Variants in ANO8 observed in about 807,000 individuals in gnomAD.
ANO8 encodes the protein anoctamin 8.
A neutral mutation model predicts 120.4 loss-of-function variants in ANO8; 67 were observed. The observed-to-expected ratio is 0.56, with a 90% CI of 0.46 to 0.68. The LOEUF is 0.68. Among genes scored for constraint, ANO8 ranks in the 30% least tolerant of loss-of-function variants. The pLI, the probability that ANO8 is intolerant of heterozygous loss-of-function variation, is 0.00. For missense variants in ANO8, 1,526 were observed against 1,737.6 expected (o/e 0.88, Z 2.16); for synonymous variants, 727 against 759.2 (o/e 0.96, Z 0.70).
intron 5 of ANO8, among the ~76,000 whole-genome samples, chr19:17,332,291 G>A (rs145947296): frequency 1.3e-5 from 2 of 151,804 alleles, no homozygotes; most frequent in African/African-American, 4.8e-5. Context: ...CTGTCACCCA[G>A]GCTGGACAGA....
rs547221815 is a variant in ANO8, at chr19:17,327,379, C to G, written c.2551-34G>C. 7.5e-5 allele frequency: 117 copies of G among 1,551,782 alleles called. 2 individuals are homozygous for G. The South Asian group carries it at 1.3e-3, about 17-fold the overall frequency. ...GTGGCAGAGAGGAGGCTGCAGGCTGCAGACGCTGGGGCCGCCCTCTCGCCT... is the reference window on the plus strand; with the variant it reads ...GTGGCAGAGAGGAGGCTGCAGGCTGGAGACGCTGGGGCCGCCCTCTCGCCT... On this transcript the variant is annotated intron_variant, in intron 15 of 17. Coordinates refer to ENST00000159087, the MANE Select transcript of ANO8 (RefSeq NM_020959.3).
In ANO8 at chr19:17,333,399, G is replaced by C. The variant is rs1270217256; in HGVS notation, c.350+23C>G. 12 of 1,613,456 alleles carry C rather than the reference G, an allele frequency of 7.4e-6. No individual in the cohort carries two copies. Among genetic ancestry groups the C allele is most frequent in the Non-Finnish European group, 1.0e-5 (12 of 1,179,916 alleles). ...GGGAGTCGGGTGGCAGGCTCAGCGAGAGGCCAGGGACAGGGGACTCGCCTC... is the reference window on the plus strand; with the variant it reads ...GGGAGTCGGGTGGCAGGCTCAGCGACAGGCCAGGGACAGGGGACTCGCCTC... On this transcript the variant is annotated intron_variant, in intron 3 of 17. Coordinates refer to ENST00000159087, the MANE Select transcript of ANO8 (RefSeq NM_020959.3). This position sits in a 1 kb window ranked among gnomAD's most constrained non-coding sequence, Gnocchi z 7.2.
chr19:17,328,160 A>T lies in ANO8; in HGVS notation c.2226+2T>A. Reference sequence around the variant, plus strand: ...CCCTGCGAGGCCCCGCCCCCTCCTCACCTCGTACTTCTTCATACAGCTCTC... The same window carrying T: ...CCCTGCGAGGCCCCGCCCCCTCCTCTCCTCGTACTTCTTCATACAGCTCTC... On this transcript the variant is annotated splice_donor_variant, in intron 13 of 17. Transcript: ENST00000159087. LOFTEE classifies it high-confidence loss of function. The T allele has an allele frequency of 3.6e-6, 5 of 1,383,064 alleles. No individual in the cohort carries two copies. The highest frequency in any genetic ancestry group is 4.9e-6 in the Non-Finnish European group (5 of 1,010,760). The allele number at this position is 1,383,064 out of a possible 1,614,324, so 85.7% of individuals were successfully genotyped here.
At chr19:17,327,157 A>G in intron 16 of ANO8, 78 bp downstream of exon 16, 1 of 1,257,766 alleles carries the variant, frequency 8.0e-7, no homozygotes, top group Admixed American at 2.3e-5. Flanking sequence ...CCCTTACGCT[A>G]AGGAATTGGC....
At position 17,330,109 on chromosome 19, in the gene ANO8, C is replaced by T; in HGVS notation, c.1273+16G>A. On this transcript the variant is annotated intron_variant, in intron 10 of 17. Coordinates refer to ENST00000159087, the MANE Select transcript of ANO8 (RefSeq NM_020959.3). ...AGTGGAGACCTTCCTCCCAGAGACCCCCTGGCAGGTCGTACCCATGTCATT... is the reference window on the plus strand; with the variant it reads ...AGTGGAGACCTTCCTCCCAGAGACCTCCTGGCAGGTCGTACCCATGTCATT... The T allele has an allele frequency of 6.2e-7, 1 of 1,613,984 alleles. No individual in the cohort carries two copies. The highest frequency in any genetic ancestry group is 8.5e-7 in the Non-Finnish European group (1 of 1,179,990).
rs955291648 is a variant in ANO8 at position 17,334,703 on chromosome 19, G to C, written c.-33C>G. On this transcript the variant is annotated 5_prime_UTR_variant, in exon 1 of 18. Coordinates refer to ENST00000159087, the MANE Select transcript of ANO8 (RefSeq NM_020959.3). Reference sequence around the variant, plus strand: ...ACAGGTCAGGTCAGGGGCTACGGACGGCCCGGGCGACGGGGAGCCGCGGGC... The same window carrying C: ...ACAGGTCAGGTCAGGGGCTACGGACCGCCCGGGCGACGGGGAGCCGCGGGC... 3.0e-6 allele frequency: 4 copies of C among 1,346,760 alleles called. No homozygotes were observed. The highest frequency in any genetic ancestry group is 3.8e-6 in the Non-Finnish European group (4 of 1,052,336). 83.4% of individuals were successfully genotyped at this position (1,346,760 alleles called of 1,614,324 possible). A position where few individuals can be genotyped will look rare whatever the true frequency, so the allele number is the denominator to read the frequency against.
rs141250802 is a variant in ANO8 at position 17,331,146 on chromosome 19, G to A, written c.773C>T (p.Ala258Val). 1.1e-5 allele frequency: 17 copies of A among 1,614,090 alleles called. No individual in the cohort carries two copies. The African/African-American group carries it at 1.2e-4, about 11-fold the overall frequency. Residue 258 changes from alanine (A) to valine (V), a missense_variant, in exon 7 of 18, where the codon GCT (alanine) becomes GTT (valine). Coordinates refer to ENST00000159087, the MANE Select transcript of ANO8 (RefSeq NM_020959.3). ...CCCGAAGACAGCTGGGTATACCATA[G>A]CCGACGTGTAGAAGCCCAGCCAGGC... The part of the protein sequence containing the change: ...YFAWLGFYTS[A>V]MVYPAVFGSV...
chr19:17,334,508 TG>T (rs1372672350), intron 1 of ANO8, 56 bp downstream of exon 1: 12 of 1,393,534 alleles, frequency 8.6e-6, no homozygotes, highest in Non-Finnish European at 1.2e-5. Flanking sequence ...CCCGTGTAGT[TG>T]ACGCGGGCTC....
In ANO8 at chr19:17,330,445, C is replaced by T. The variant is rs772692856; in HGVS notation, c.1053G>A (p.Lys351=). The T allele has an allele frequency of 1.9e-6, 3 of 1,567,526 alleles. No homozygotes were observed. Among genetic ancestry groups the T allele is most frequent in the African/African-American group, 2.7e-5 (2 of 73,634 alleles). The change falls in exon 9 of 18, where the codon AAG becomes AAA. Residue 351 remains lysine, a synonymous_variant. Coordinates refer to ENST00000159087, the MANE Select transcript of ANO8 (RefSeq NM_020959.3). Reference sequence around the variant, plus strand: ...TCACAAGCAGCTGGAAGAGCAGCCGCTTCCAGGGCGGGTAGTAGAACTCCT... The same window carrying T: ...TCACAAGCAGCTGGAAGAGCAGCCGTTTCCAGGGCGGGTAGTAGAACTCCT... ...RAEEFYYPPW[K]RLLFQLLVSL... is the part of the protein sequence containing the mutation.
chr19:17,333,896 C>G lies in ANO8; in HGVS notation c.107-96G>C. The G allele has an allele frequency of 9.7e-7, 1 of 1,031,716 alleles. No individual in the cohort carries two copies. The highest frequency in any genetic ancestry group is 1.5e-6 in the Non-Finnish European group (1 of 684,534). 63.9% of individuals were successfully genotyped at this position (1,031,716 alleles called of 1,614,324 possible). Reference sequence around the variant, plus strand: ...TCCTGCCCCCGCCAGGGCTCCTCACCACTCCACCTGGCATTCAAGGCCCCG... The same window carrying G: ...TCCTGCCCCCGCCAGGGCTCCTCACGACTCCACCTGGCATTCAAGGCCCCG... On this transcript the variant is annotated intron_variant, in intron 1 of 17. Coordinates refer to ENST00000159087, the MANE Select transcript of ANO8 (RefSeq NM_020959.3). The surrounding 1 kb of genome is among the most constrained non-coding windows in gnomAD (Gnocchi z 7.2).
intron 1 of ANO8, 117 bp downstream of exon 1, chr19:17,334,448 G>T: frequency 1.1e-6 from 1 of 945,864 alleles, no homozygotes; most frequent in Non-Finnish European, 1.5e-6. Flanking sequence ...GGAGGAGCCG[G>T]CCCCTCGTCC....
Position 17,327,465 on chromosome 19 carries a change from T to C in ANO8, c.2523A>G (p.Ala841=). The C allele has an allele frequency of 3.1e-6, 5 of 1,612,690 alleles. No homozygotes were observed. The highest frequency in any genetic ancestry group is 4.2e-6 in the Non-Finnish European group (5 of 1,179,618). The change falls in exon 15 of 18, where the codon GCA becomes GCG. Residue 841 remains alanine, a synonymous_variant. Transcript: ENST00000159087. ...CGAGCACTACCACCGACACGATGGCTGCCTCCGGGCTCAGCCAGGGGAAGA... is the reference window on the plus strand; with the variant it reads ...CGAGCACTACCACCGACACGATGGCCGCCTCCGGGCTCAGCCAGGGGAAGA... ...QRLFPWLSPE[A]AIVSVVVLEH... is the part of the protein sequence containing the mutation.
In ANO8 at chr19:17,323,884, C is replaced by T. The variant is rs1263139325; in HGVS notation, c.3332G>A (p.Gly1111Glu). ...EAPRPEEEGS[G>E]TALAPVGAPA... ...GGCGCCCACGGGGGCCAGCGCTGTC[C>T]CTGCGGAGGCGAGAGGGGCCGTTCC... The change falls in exon 18 of 18, where the codon GGG becomes GAG. Residue 1111 changes from glycine to glutamate, a missense_variant and splice_region_variant. Physicochemically the swap from Gly to Glu is moderately conservative, Grantham distance 98. Coordinates refer to ENST00000159087, the MANE Select transcript of ANO8 (RefSeq NM_020959.3). 1.8e-6 allele frequency: 2 copies of T among 1,119,524 alleles called. No individual in the cohort carries two copies. Among genetic ancestry groups the T allele is most frequent in the Non-Finnish European group, 1.1e-6 (1 of 915,786 alleles). 69.3% of individuals were successfully genotyped at this position (1,119,524 alleles called of 1,614,324 possible). A position where few individuals can be genotyped will look rare whatever the true frequency, so the allele number is the denominator to read the frequency against.
In ANO8 at chr19:17,330,930, C is replaced by G. The variant is rs774963844; in HGVS notation, c.891G>C (p.Leu297=). The change falls in exon 8 of 18, where the codon CTG becomes CTC. Residue 297 remains leucine, a synonymous_variant. Coordinates refer to ENST00000159087, the MANE Select transcript of ANO8 (RefSeq NM_020959.3). ...FALFNVIWST[L]FLEEWKRRGA... ...CTCTCCGCTTCCATTCCTCTAGGAA[C>G]AGCGTCGACCAGATCACGTTGAAGA... 2.5e-6 allele frequency: 4 copies of G among 1,614,184 alleles called. No individual in the cohort carries two copies. In the East Asian group the frequency reaches 6.7e-5, roughly 27 times the overall value.
rs1292755789 is a variant in ANO8, at chr19:17,330,813, C to T, written c.993+15G>A. ...TGTCCTGTCTCCATGACCCTGGACT[C>T]AGCCCCCAACTGACCCTGAACTGGG... On this transcript the variant is annotated intron_variant, in intron 8 of 17. Transcript: ENST00000159087. 1.2e-6 allele frequency: 2 copies of T among 1,610,176 alleles called. No individual in the cohort carries two copies. Among genetic ancestry groups the T allele is most frequent in the Admixed American group, 3.4e-5 (2 of 59,670 alleles).
At chr19:17,325,453 G>C in intron 16 of ANO8, 67 bp from the exon 17 acceptor site, 1 of 1,507,140 alleles carries the variant, frequency 6.6e-7, no homozygotes, top group Non-Finnish European at 8.8e-7. Flanking sequence ...AGCTGAGGCT[G>C]GTGCATGCCA....
At chr19:17,325,478 A>C in intron 16 of ANO8, 92 bp from the exon 17 acceptor site, 1 of 1,468,840 alleles carries the variant, frequency 6.8e-7, no homozygotes, top group Non-Finnish European at 9.0e-7. Context: ...TCTCTGCAAA[A>C]GTGGGGGAGA....
At chr19:17,330,700 C>G in intron 8 of ANO8, 128 bp downstream of exon 8, 2 of 1,446,512 alleles carry the variant, frequency 1.4e-6, no homozygotes, top group Non-Finnish European at 1.9e-6. Context: ...ACAGAGCCCG[C>G]CTCGGTTTGG....
rs1407281957 is a variant in ANO8, at chr19:17,333,054, G to C, written c.490-28C>G. 2 of 1,614,024 alleles carry C rather than the reference G, an allele frequency of 1.2e-6. No individual in the cohort carries two copies. The highest frequency in any genetic ancestry group is 1.7e-6 in the Non-Finnish European group (2 of 1,180,000). On this transcript the variant is annotated intron_variant, in intron 4 of 17. Coordinates refer to ENST00000159087, the MANE Select transcript of ANO8 (RefSeq NM_020959.3). The surrounding 1 kb of genome is among the most constrained non-coding windows in gnomAD (Gnocchi z 7.2). ...GCGAGGAAGAGGGCGTGAGCTCAGG[G>C]AACTCATAGGCACAGGATGCATGCG...
Sources: gnomAD v4.1 joint callset for allele counts (sites outside exome capture counted in the v4.1 genomes callset) on GRCh38, gnomAD v4.1.1 for gene constraint, Gnocchi (gnomAD v3.1) non-coding constraint, MANE v1.5 for transcripts, NCBI Gene and HGNC (gene_info 2026-07-23, HGNC 2026-07-21) for gene names.